Variants in PVR observed in about 807,000 individuals in gnomAD.
PVR encodes PVR cell adhesion molecule.
In PVR, 39 loss-of-function variants were observed where a neutral mutation model predicts 43.3. That is an observed-to-expected ratio of 0.90 (90% CI 0.70 to 1.18). The LOEUF is 1.18. PVR is among the 50% of genes most tolerant of loss of function. The probability of loss-of-function intolerance (pLI) is 0.00; values close to 1 mark genes in which losing one functional copy is unlikely to be tolerated. For synonymous variants in PVR, 224 were observed against 233.2 expected, an observed-to-expected ratio of 0.96 and a Z score of 0.36; for missense variants, 480 against 549.7, an observed-to-expected ratio of 0.87 and a Z score of 1.27.
Position 44,647,370 on chromosome 19 carries a change from C to T in PVR, c.227C>T (p.Ala76Val), listed in dbSNP as rs1195808475. The T allele has an allele frequency of 2.5e-6, 4 of 1,613,768 alleles. No individual in the cohort carries two copies. The highest frequency in any genetic ancestry group is 1.3e-5 in the African/African-American group (1 of 75,026). Residue 76 changes from alanine to valine, a missense_variant, in exon 2 of 8, where the codon GCC becomes GTC. Ala to Val is a moderately conservative substitution (Grantham distance 64). Transcript: ENST00000425690. ...WARHGESGSMAVFHQTQGPSY... is the reference protein window; with the variant it reads ...WARHGESGSMVVFHQTQGPSY... ...CGGCATGGTGAATCTGGCAGCATGGCCGTCTTCCACCAAACGCAGGGCCCC... is the reference window on the plus strand; with the variant it reads ...CGGCATGGTGAATCTGGCAGCATGGTCGTCTTCCACCAAACGCAGGGCCCC...
At chr19:44,653,468 G>T (rs1261402282) in intron 3 of PVR, among the ~76,000 whole-genome samples, 1 of 152,204 alleles carries the variant, frequency 6.6e-6, no homozygotes, top group Non-Finnish European at 1.5e-5. Flanking sequence ...ACATTGAAAG[G>T]TCTTCGCTGT....
intron 6 of PVR, chr19:44,659,122 G>A: frequency 2.2e-6 from 1 of 463,770 alleles, no homozygotes; most frequent in East Asian, 3.5e-5. Flanking sequence ...TTAATGCCAT[G>A]GTAGGGACTT....
In PVR at chr19:44,663,709, C is replaced by T. The variant is rs1167082332; in HGVS notation, c.*1898C>T. On this transcript the variant is annotated 3_prime_UTR_variant, in exon 8 of 8. Transcript: ENST00000425690. ...CGCTAAATGAAGAGGGCCATAAGGG[C>T]TGGGATTCCCAGGCACCTTAGGAAC... 6.6e-6 allele frequency: 1 copy of T among 151,756 alleles called. No homozygotes were observed. Among genetic ancestry groups the T allele is most frequent in the African/African-American group, 2.4e-5 (1 of 41,336 alleles). The allele number at this position is 151,756 out of a possible 1,614,324, so 9.4% of individuals were successfully genotyped here.
At chr19:44,653,860 A>G (rs2030665871) in intron 3 of PVR, 40 bp from the exon 4 acceptor site, 1 of 1,437,812 alleles carries the variant, frequency 7.0e-7, no homozygotes, top group East Asian at 2.3e-5. Flanking sequence ...GGCCCCCCAA[A>G]GCCTCCCAGT....
At chr19:44,652,366 T>G (rs1334110814) in intron 3 of PVR, among the ~76,000 whole-genome samples, 2 of 145,366 alleles carry the variant, frequency 1.4e-5, no homozygotes, top group Non-Finnish European at 2.9e-5. Context: ...GCCTAGCTAA[T>G]TTTTGTTTTT....
chr19:44,650,851 C>A lies in PVR; in HGVS notation c.724+746C>A, dbSNP rs571120726. Among the ~76,000 whole-genome samples the A allele has an allele frequency of 2.0e-5, 3 of 152,130 alleles. No homozygotes were observed. The East Asian group carries it at 5.8e-4, about 29-fold the overall frequency. On this transcript the variant is annotated intron_variant, in intron 3 of 7. Transcript: ENST00000425690. ...GTATGCTGGAATTATAGGCATGAGC[C>A]ACTGTGCCCGGCTTTTTGTTTTGTT...
In PVR at chr19:44,644,072, G is replaced by A; in HGVS notation, c.-25G>A. ...GGGAAGCGAGGAGACGCCCGCGGGA[G>A]GCCCAGCTGCTCGGAGCAACTGGCA... On this transcript the variant is annotated 5_prime_UTR_variant, in exon 1 of 8. Coordinates refer to ENST00000425690, the MANE Select transcript of PVR (RefSeq NM_006505.5). 2 of 1,500,570 alleles carry A rather than the reference G, an allele frequency of 1.3e-6. No homozygotes were observed. The highest frequency in any genetic ancestry group is 1.8e-6 in the Non-Finnish European group (2 of 1,131,052). 93.0% of individuals were successfully genotyped at this position (1,500,570 alleles called of 1,614,324 possible). A position where few individuals can be genotyped will look rare whatever the true frequency, so the allele number is the denominator to read the frequency against.
chr19:44,649,874 C>A lies in PVR; in HGVS notation c.493C>A (p.Arg165Ser), dbSNP rs753294991. 6.2e-7 allele frequency: 1 copy of A among 1,614,072 alleles called. No homozygotes were observed. The highest frequency in any genetic ancestry group is 1.1e-5 in the South Asian group (1 of 91,054). Reference sequence around the variant, plus strand: ...CACTGGAGAGCCAGTGCCCATGGCCCGCTGCGTCTCCACAGGGGGTCGCCC... The same window carrying A: ...CACTGGAGAGCCAGTGCCCATGGCCAGCTGCGTCTCCACAGGGGGTCGCCC... ...QLTGEPVPMA[R>S]CVSTGGRPPA... The change falls in exon 3 of 8, where the codon CGC becomes AGC. Residue 165 changes from arginine to serine, a missense_variant. Arg to Ser is a moderately radical substitution (Grantham distance 110). Transcript: ENST00000425690.
At chr19:44,647,679 C>T in intron 2 of PVR, 109 bp downstream of exon 2, 1 of 779,886 alleles carries the variant, frequency 1.3e-6, no homozygotes, top group Non-Finnish European at 2.0e-6. Context: ...ATTCCCTCCA[C>T]AGCAGATCCC....
At chr19:44,658,120 T>A (rs1973502236) in intron 5 of PVR, among the ~76,000 whole-genome samples, 1 of 152,208 alleles carries the variant, frequency 6.6e-6, no homozygotes, top group African/African-American at 2.4e-5. Context: ...ACACACAGGT[T>A]GGGATAGATG....
chr19:44,648,225 T>C (rs147026109), intron 2 of PVR, among the ~76,000 whole-genome samples: 3,856 of 152,270 alleles, frequency 0.025, 71 homozygotes, highest in Non-Finnish European at 0.04. Context: ...GCTGCAGCCT[T>C]AGGGCAGCGG....
Position 44,647,417 on chromosome 19 carries a change from C to A in PVR, c.274C>A (p.Leu92Met). 1 of 1,614,124 alleles carries A rather than the reference C, an allele frequency of 6.2e-7. No homozygotes were observed. Among genetic ancestry groups the A allele is most frequent in the Non-Finnish European group, 8.5e-7 (1 of 1,180,004 alleles). Reference protein sequence around the residue: ...QGPSYSESKRLEFVAARLGAE... With the variant: ...QGPSYSESKRMEFVAARLGAE... ...CCCCAGCTATTCGGAGTCCAAACGG[C>A]TGGAATTCGTGGCAGCCAGACTGGG... Residue 92 changes from leucine to methionine, a missense_variant, in exon 2 of 8, where the codon CTG (leucine) becomes ATG (methionine). Transcript: ENST00000425690.
intron 6 of PVR, among the ~76,000 whole-genome samples, chr19:44,660,914 A>G (rs1973574680): frequency 6.6e-6 from 1 of 152,184 alleles, no homozygotes; most frequent in South Asian, 2.1e-4. Flanking sequence ...CCATTTGCTG[A>G]ATAATACTAC....
In PVR at chr19:44,647,424, T is replaced by G; in HGVS notation, c.281T>G (p.Phe94Cys). ...PSYSESKRLE[F>C]VAARLGAELR... Reference sequence around the variant, plus strand: ...TATTCGGAGTCCAAACGGCTGGAATTCGTGGCAGCCAGACTGGGCGCGGAG... The same window carrying G: ...TATTCGGAGTCCAAACGGCTGGAATGCGTGGCAGCCAGACTGGGCGCGGAG... Residue 94 changes from phenylalanine (F) to cysteine (C), a missense_variant, in exon 2 of 8, where the codon TTC (phenylalanine) becomes TGC (cysteine). Physicochemically the swap from Phe to Cys is radical, Grantham distance 205. Transcript: ENST00000425690. The G allele has an allele frequency of 6.2e-7, 1 of 1,614,048 alleles. No homozygotes were observed. The highest frequency in any genetic ancestry group is 8.5e-7 in the Non-Finnish European group (1 of 1,179,994).
intron 6 of PVR, 33 bp from the exon 7 acceptor site, chr19:44,661,259 C>A (rs201876233): frequency 1.4e-5 from 22 of 1,602,706 alleles, no homozygotes; most frequent in Middle Eastern, 1.7e-4. Context: ...CAGCATTATT[C>A]CTTCCTGACG....
At position 44,661,010 on chromosome 19, in the gene PVR, A is replaced by G. The variant is rs532567624; in HGVS notation, c.1151-282A>G. 5.3e-5 allele frequency among the ~76,000 whole-genome samples: 8 copies of G among 152,342 alleles called. No individual in the cohort carries two copies. The South Asian group carries it at 1.7e-3, about 32-fold the overall frequency. On this transcript the variant is annotated intron_variant, in intron 6 of 7. Coordinates refer to ENST00000425690, the MANE Select transcript of PVR (RefSeq NM_006505.5). ...ACTTGTCCAAGTTCACACAGCTCCTAAAGGACAGAGATGGAATTTGAACCC... is the reference window on the plus strand; with the variant it reads ...ACTTGTCCAAGTTCACACAGCTCCTGAAGGACAGAGATGGAATTTGAACCC...
chr19:44,644,078 G>C lies in PVR; in HGVS notation c.-19G>C. 1 of 1,505,476 alleles carries C rather than the reference G, an allele frequency of 6.6e-7. No individual in the cohort carries two copies. The highest frequency in any genetic ancestry group is 8.8e-7 in the Non-Finnish European group (1 of 1,133,770). 93.3% of individuals were successfully genotyped at this position (1,505,476 alleles called of 1,614,324 possible). ...CGAGGAGACGCCCGCGGGAGGCCCA[G>C]CTGCTCGGAGCAACTGGCATGGCCC... On this transcript the variant is annotated 5_prime_UTR_variant, in exon 1 of 8. Transcript: ENST00000425690.
chr19:44,653,930 A>C lies in PVR; in HGVS notation c.755A>C (p.Asp252Ala). Residue 252 changes from aspartate (D) to alanine (A), a missense_variant, in exon 4 of 8, where the codon GAT (aspartate) becomes GCT (alanine). Transcript: ENST00000425690. ...CCAGAGGTATCCATCTCTGGCTATGATAACAACTGGTACCTTGGCCAGAAT... is the reference window on the plus strand; with the variant it reads ...CCAGAGGTATCCATCTCTGGCTATGCTAACAACTGGTACCTTGGCCAGAAT... ...YPPEVSISGY[D>A]NNWYLGQNEA... 2 of 1,614,040 alleles carry C rather than the reference A, an allele frequency of 1.2e-6. No homozygotes were observed. Among genetic ancestry groups the C allele is most frequent in the South Asian group, 1.1e-5 (1 of 91,080 alleles).
intron 6 of PVR, among the ~76,000 whole-genome samples, chr19:44,659,326 G>A (rs542898951): frequency 1.4e-3 from 218 of 152,226 alleles, no homozygotes; most frequent in African/African-American, 5.0e-3. Flanking sequence ...TGCACAGGCC[G>A]TTCCCCTGCC....
Sources: allele counts gnomAD v4.1 joint callset (sites outside exome capture counted in the v4.1 genomes callset), GRCh38; gene constraint gnomAD v4.1.1; transcripts MANE v1.5; gene names NCBI Gene and HGNC (gene_info 2026-07-23, HGNC 2026-07-21).